The following RPL26 variants were observed in gnomAD, a reference collection of about 807,000 sequenced individuals.
RPL26 encodes large ribosomal subunit protein uL24.
In RPL26, 1 loss-of-function variant was observed where a neutral mutation model predicts 16.2. The observed-to-expected ratio is 0.06, with a 90% CI of 0.02 to 0.29. The LOEUF (loss-of-function observed/expected upper bound fraction) is 0.29. Ranked by LOEUF, RPL26 falls within the 10% of genes least tolerant of loss-of-function variation. The pLI is 1.00. For missense variants in RPL26, 102 were observed against 184.3 expected (o/e 0.55, Z 2.58); for synonymous variants, 55 against 62.4 (o/e 0.88, Z 0.56).
chr17:8,381,066 T>C (rs1907386939), intron 2 of RPL26: 1 of 152,122 alleles, frequency 6.6e-6, no homozygotes, highest in South Asian at 2.1e-4. Flanking sequence ...ATGGATCCGC[T>C]GGTGCCACCC....
At chr17:8,377,783 C>A (rs1907215254) in intron 3 of RPL26, 91 bp from the exon 4 acceptor site, 2 of 1,243,212 alleles carry the variant, frequency 1.6e-6, no homozygotes, top group Admixed American at 5.0e-5. Flanking sequence ...TTTCCCAAAC[C>A]TGGGGTAGGT....
intron 2 of RPL26, 191 bp from the exon 3 acceptor site, chr17:8,380,127 C>G: frequency 1.8e-6 from 1 of 568,228 alleles, no homozygotes; most frequent in Non-Finnish European, 3.1e-6. Context: ...AGCAACAGAC[C>G]AAGAGTATTT....
intron 2 of RPL26, 57 bp downstream of exon 2, chr17:8,382,086 C>G: frequency 6.8e-7 from 1 of 1,464,214 alleles, no homozygotes; most frequent in African/African-American, 1.4e-5. Flanking sequence ...AATCTCTCTT[C>G]TAAGCTAAGT....
In RPL26 at chr17:8,383,179, C is replaced by A. The variant is rs1907516345; in HGVS notation, c.-28G>T. 5.0e-6 allele frequency: 2 copies of A among 398,478 alleles called. No individual in the cohort carries two copies. The highest frequency in any genetic ancestry group is 8.8e-6 in the Non-Finnish European group (2 of 226,092). 24.7% of individuals were successfully genotyped at this position (398,478 alleles called of 1,614,324 possible). ...TACCCGCTCCCGCTTCGGTGATGGC[C>A]GCAAAAGGGAAGAGAACTACACGCT... On this transcript the variant is annotated 5_prime_UTR_variant, in exon 1 of 4. Coordinates refer to ENST00000648839, the MANE Select transcript of RPL26 (RefSeq NM_000987.5).
intron 2 of RPL26, chr17:8,381,904 G>GA (rs1907432030): frequency 5.7e-6 from 2 of 352,458 alleles, no homozygotes; most frequent in Non-Finnish European, 1.0e-5. Flanking sequence ...ACTCCAGCCT[G>GA]GGGGGGACAA....
chr17:8,382,762 A>T (rs1381056878), intron 1 of RPL26: 2 of 340,728 alleles, frequency 5.9e-6, no homozygotes, highest in African/African-American at 2.1e-5. Context: ...CAAAATGAAT[A>T]AGGCCCACCA....
chr17:8,382,449 CTGTT>C (rs1473418436), intron 1 of RPL26, 134 bp from the exon 2 acceptor site: 15 of 653,508 alleles, frequency 2.3e-5, no homozygotes, highest in South Asian at 1.9e-4. Flanking sequence ...TCAACAAAAA[CTGTT>C]TGATCGGAAG....
At chr17:8,378,256 T>TG (rs35232759) in intron 3 of RPL26, among the ~76,000 whole-genome samples, 37,816 of 151,906 alleles carry the variant, frequency 0.25, 5,391 homozygotes, top group Admixed American at 0.39. Context: ...TCTGGAACCC[T>TG]GGGGGGGCGG....
intron 2 of RPL26, among the ~76,000 whole-genome samples, chr17:8,381,628 AGAGT>A (rs1223816333): frequency 6.6e-6 from 1 of 152,096 alleles, no homozygotes; most frequent in Admixed American, 6.6e-5. Flanking sequence ...AGTCTGGGTA[AGAGT>A]GAGACCCCAT....
intron 3 of RPL26, among the ~76,000 whole-genome samples, chr17:8,378,670 A>G (rs1165359116): frequency 6.6e-6 from 1 of 152,226 alleles, no homozygotes; most frequent in Non-Finnish European, 1.5e-5. Flanking sequence ...ATTATGATAA[A>G]TTTTAGTCTT....
At chr17:8,378,712 T>G (rs1436861980) in intron 3 of RPL26, among the ~76,000 whole-genome samples, 1 of 152,156 alleles carries the variant, frequency 6.6e-6, no homozygotes, top group Non-Finnish European at 1.5e-5. Flanking sequence ...AAAGAGGTGC[T>G]GGAAATACAG....
At chr17:8,381,977 A>G (rs976867333) in intron 2 of RPL26, 166 bp downstream of exon 2, 1 of 602,000 alleles carries the variant, frequency 1.7e-6, no homozygotes, top group Admixed American at 3.4e-5. Context: ...ACAATTAAAA[A>G]CTGAAAAGCA....
chr17:8,380,775 C>T (rs1318205389), intron 2 of RPL26: 1 of 152,224 alleles, frequency 6.6e-6, no homozygotes, highest in Non-Finnish European at 1.5e-5. Context: ...CATCTTGCTT[C>T]TAACCTCCAA....
chr17:8,380,986 A>T, intron 2 of RPL26: 1 of 152,144 alleles, frequency 6.6e-6, no homozygotes. Context: ...GGCTTCCCCA[A>T]TTGCTCCTAG....
Position 8,382,112 on chromosome 17 carries a change from C to T in RPL26, c.168+31G>A, listed in dbSNP as rs1478722357. The T allele has an allele frequency of 5.7e-6, 9 of 1,592,004 alleles. No individual in the cohort carries two copies. In the Admixed American group the frequency reaches 8.4e-5, roughly 15 times the overall value. On this transcript the variant is annotated intron_variant, in intron 2 of 3. Coordinates refer to ENST00000648839, the MANE Select transcript of RPL26 (RefSeq NM_000987.5). The stretch of plus-strand genomic sequence containing the variant: ...TAAGCTAAGTGCGTAAAATATCCAT[C>T]AAGACAACGAGAACAAGTAGGGATA...
intron 3 of RPL26, 47 bp from the exon 4 acceptor site, chr17:8,377,739 T>C: frequency 6.4e-7 from 1 of 1,551,938 alleles, no homozygotes; most frequent in East Asian, 2.3e-5. Flanking sequence ...AAATAATCAC[T>C]AAAACACAAG....
intron 3 of RPL26, among the ~76,000 whole-genome samples, chr17:8,378,746 C>T (rs149768508): frequency 4.6e-5 from 7 of 152,190 alleles, no homozygotes; most frequent in African/African-American, 1.7e-4. Flanking sequence ...CAAAAATCTC[C>T]ACAGTCACTG....
chr17:8,381,856 G>C lies in RPL26; in HGVS notation c.168+287C>G, dbSNP rs184342848. On this transcript the variant is annotated intron_variant, in intron 2 of 3. Transcript: ENST00000648839. Reference sequence around the variant, plus strand: ...AGGCAGGAGAATCGCCTGAACCCGGGAGGCGAAGGTTGCAGTGAGCTGAGA... The same window carrying C: ...AGGCAGGAGAATCGCCTGAACCCGGCAGGCGAAGGTTGCAGTGAGCTGAGA... The C allele has an allele frequency of 8.9e-5, 24 of 269,034 alleles. No homozygotes were observed. The East Asian group carries it at 3.2e-3, about 36-fold the overall frequency. The allele number at this position is 269,034 out of a possible 1,614,324, so 16.7% of individuals were successfully genotyped here.
In RPL26 at chr17:8,383,179, C is replaced by G; in HGVS notation, c.-28G>C. ...TACCCGCTCCCGCTTCGGTGATGGCCGCAAAAGGGAAGAGAACTACACGCT... is the reference window on the plus strand; with the variant it reads ...TACCCGCTCCCGCTTCGGTGATGGCGGCAAAAGGGAAGAGAACTACACGCT... On this transcript the variant is annotated 5_prime_UTR_variant, in exon 1 of 4. Coordinates refer to ENST00000648839, the MANE Select transcript of RPL26 (RefSeq NM_000987.5). 2.5e-6 allele frequency: 1 copy of G among 398,596 alleles called. No homozygotes were observed. The highest frequency in any genetic ancestry group is 4.4e-6 in the Non-Finnish European group (1 of 226,084). The allele number at this position is 398,596 out of a possible 1,614,324, so 24.7% of individuals were successfully genotyped here. A position where few individuals can be genotyped will look rare whatever the true frequency, so the allele number is the denominator to read the frequency against.
Sources: allele counts gnomAD v4.1 joint callset (sites outside exome capture counted in the v4.1 genomes callset), GRCh38; gene constraint gnomAD v4.1.1; transcripts MANE v1.5; gene names NCBI Gene and HGNC (gene_info 2026-07-23, HGNC 2026-07-21).